RUNX2: variants seen among roughly 807,000 people sequenced by gnomAD.
RUNX2 encodes RUNX family transcription factor 2.
RUNX2 carries 10 observed loss-of-function variants against 51.7 expected under a neutral mutation model. That is an observed-to-expected ratio of 0.19 (90% confidence interval 0.12 to 0.33). The LOEUF (loss-of-function observed/expected upper bound fraction) is 0.33, where lower values mean the gene tolerates loss of function less well. Ranked by LOEUF, RUNX2 falls within the 10% of genes least tolerant of loss-of-function variation. RUNX2 has a pLI of 1.00. For missense variants in RUNX2, 562 were observed against 691.3 expected (o/e 0.81, Z 2.10); for synonymous variants, 276 against 273.6 (o/e 1.01, Z -0.09).
intron 2 of RUNX2, among the ~76,000 whole-genome samples, chr6:45,412,807 C>T (rs892186143): frequency 3.9e-5 from 6 of 152,050 alleles, no homozygotes; most frequent in African/African-American, 1.4e-4. Context: ...TGCAGTGGCA[C>T]AATCTCGGCT....
Position 45,401,574 on chromosome 6 carries a change from G to A in RUNX2, c.59-21019G>A, listed in dbSNP as rs545295515. On this transcript the variant is annotated intron_variant, in intron 2 of 8. Transcript: ENST00000647337. ...AAGAGGTATGATTTTTAAACAATGC[G>A]TACCTCACAGGGCTGCCATGAGAAT... is the stretch of plus-strand genomic sequence containing the variant. Among the ~76,000 whole-genome samples, 25 of 152,290 alleles carry A rather than the reference G, an allele frequency of 1.6e-4. 1 individual carries two copies. In the South Asian group the frequency reaches 3.9e-3, roughly 24 times the overall value.
intron 7 of RUNX2, among the ~76,000 whole-genome samples, chr6:45,542,394 C>G (rs1403945097): frequency 1.3e-5 from 2 of 152,170 alleles, no homozygotes; most frequent in Admixed American, 1.3e-4. Flanking sequence ...TTTTAATGAG[C>G]AAAGTTCTTG....
chr6:45,413,779 C>T (rs1168920894), intron 2 of RUNX2, among the ~76,000 whole-genome samples: 3 of 151,984 alleles, frequency 2.0e-5, no homozygotes, highest in Non-Finnish European at 2.9e-5. Context: ...GCAATTTGTA[C>T]TTATATTTAA....
rs80017422 is a variant in RUNX2 at position 45,471,262 on chromosome 6, G to A, written c.686-20679G>A. On this transcript the variant is annotated intron_variant, in intron 5 of 8. Coordinates refer to ENST00000647337, the MANE Select transcript of RUNX2 (RefSeq NM_001024630.4). The stretch of plus-strand genomic sequence containing the variant: ...TAGGTCCAGAACAAATAAGTTCCTG[G>A]TTGTAAGGAGTGTGTATGACTTCCT... Among the ~76,000 whole-genome samples the A allele has an allele frequency of 6.3e-3, 960 of 152,204 alleles. 9 individuals are homozygous for A. The highest frequency in any genetic ancestry group is 0.022 in the African/African-American group (898 of 41,526).
chr6:45,485,716 T>TATATATAC (rs1554394671), intron 5 of RUNX2, among the ~76,000 whole-genome samples: 5,401 of 125,822 alleles, frequency 0.043, 199 homozygotes, highest in Non-Finnish European at 0.071. Context: ...TATATATATA[T>TATATATAC]ACACATATTT....
chr6:45,520,740 A>C (rs746351914), intron 7 of RUNX2, among the ~76,000 whole-genome samples: 2 of 151,070 alleles, frequency 1.3e-5, no homozygotes, highest in African/African-American at 2.4e-5. Context: ...TTTTTTTTTG[A>C]GACAGAGTCT....
intron 5 of RUNX2, among the ~76,000 whole-genome samples, chr6:45,460,369 T>A (rs2150386094): frequency 6.6e-6 from 1 of 152,228 alleles, no homozygotes; most frequent in South Asian, 2.1e-4. Context: ...GGACTGTCAT[T>A]GAGTTTGGCG....
chr6:45,517,517 G>C (rs1801369134), intron 7 of RUNX2, among the ~76,000 whole-genome samples: 2 of 152,056 alleles, frequency 1.3e-5, no homozygotes, highest in African/African-American at 4.8e-5. Context: ...CTGCATTTAT[G>C]GGGTTTTTGT....
chr6:45,412,499 T>A (rs1341162553), intron 2 of RUNX2, among the ~76,000 whole-genome samples: 2 of 152,156 alleles, frequency 1.3e-5, no homozygotes, highest in African/African-American at 4.8e-5. Context: ...AATCAGTATA[T>A]CATGGTTAAG....
chr6:45,395,565 G>A (rs1797563419), intron 2 of RUNX2, among the ~76,000 whole-genome samples: 1 of 152,192 alleles, frequency 6.6e-6, no homozygotes, highest in Non-Finnish European at 1.5e-5. Flanking sequence ...GGGAAAATGT[G>A]TGACAAAAAT....
intron 6 of RUNX2, among the ~76,000 whole-genome samples, chr6:45,495,391 T>C (rs1800616844): frequency 6.6e-6 from 1 of 152,254 alleles, no homozygotes; most frequent in Non-Finnish European, 1.5e-5. Flanking sequence ...TGTTCCCTAG[T>C]GATGGGCAGC....
intron 7 of RUNX2, among the ~76,000 whole-genome samples, chr6:45,518,972 A>G (rs1406147918): frequency 6.6e-6 from 1 of 152,188 alleles, no homozygotes; most frequent in African/African-American, 2.4e-5. Context: ...GAGTCTTTGT[A>G]TCATTCTCAG....
At chr6:45,341,794 G>A (rs548570755) in intron 2 of RUNX2, among the ~76,000 whole-genome samples, 1 of 152,264 alleles carries the variant, frequency 6.6e-6, no homozygotes, top group African/African-American at 2.4e-5. Context: ...AGAAAAAGAT[G>A]TGGTTACAAA....
At chr6:45,537,091 C>T (rs1335481696) in intron 7 of RUNX2, among the ~76,000 whole-genome samples, 1 of 152,150 alleles carries the variant, frequency 6.6e-6, no homozygotes, top group Non-Finnish European at 1.5e-5. Flanking sequence ...GTTACCAATT[C>T]CTGCTTACAA....
At chr6:45,523,859 G>C (rs1365859276) in intron 7 of RUNX2, among the ~76,000 whole-genome samples, 1 of 151,904 alleles carries the variant, frequency 6.6e-6, no homozygotes, top group Non-Finnish European at 1.5e-5. Context: ...TTGAACCCGG[G>C]AGGCGGAGGT....
intron 6 of RUNX2, among the ~76,000 whole-genome samples, chr6:45,504,458 C>T (rs939711814): frequency 1.3e-5 from 2 of 152,164 alleles, no homozygotes; most frequent in African/African-American, 4.8e-5. Context: ...GCCAGAGCCT[C>T]CAGTCTAGGG....
At chr6:45,334,436 G>A (rs1223758869) in intron 2 of RUNX2, among the ~76,000 whole-genome samples, 6 of 127,410 alleles carry the variant, frequency 4.7e-5, no homozygotes, top group African/African-American at 1.8e-4. Context: ...TCTATTTTGT[G>A]CTTCAGGAAA....
chr6:45,368,574 T>C (rs983303425), intron 2 of RUNX2, among the ~76,000 whole-genome samples: 1 of 152,124 alleles, frequency 6.6e-6, no homozygotes, highest in African/African-American at 2.4e-5. Context: ...CCATGAAACA[T>C]CTTTAAGCTT....
rs1322720279 is a variant in RUNX2 at position 45,545,204 on chromosome 6, C to G, written c.1022-13C>G. The G allele has an allele frequency of 6.5e-7, 1 of 1,541,266 alleles. No individual in the cohort carries two copies. The highest frequency in any genetic ancestry group is 8.8e-7 in the Non-Finnish European group (1 of 1,140,922). On this transcript the variant is annotated splice_polypyrimidine_tract_variant and intron_variant, in intron 7 of 8. Coordinates refer to ENST00000647337, the MANE Select transcript of RUNX2 (RefSeq NM_001024630.4). ...TGGAAGGGAACTTAGAGCTCATCCC[C>G]CTCATTTTACAGATGATGACACTGC...
Sources: gnomAD v4.1 joint callset for allele counts (sites outside exome capture counted in the v4.1 genomes callset) on GRCh38, gnomAD v4.1.1 for gene constraint, MANE v1.5 for transcripts, NCBI Gene and HGNC (gene_info 2026-07-23, HGNC 2026-07-21) for gene names.